The following CNTNAP2 variants were observed in gnomAD, a reference collection of about 807,000 sequenced individuals.
CNTNAP2 encodes contactin-associated protein-like 2.
In CNTNAP2, 98 loss-of-function variants were observed where a neutral mutation model predicts 155.2. The ratio of observed to expected loss-of-function variants is 0.63; its 90% CI spans 0.54 to 0.75. The LOEUF is 0.75. CNTNAP2 is among the 30% of genes least tolerant of loss of function. The pLI, the probability that CNTNAP2 is intolerant of heterozygous loss-of-function variation, is 0.00. For missense variants in CNTNAP2, 1,727 were observed against 1,688.1 expected (o/e 1.02, Z -0.40); for synonymous variants, 651 against 631.2 (o/e 1.03, Z -0.47).
intron 9 of CNTNAP2, among the ~76,000 whole-genome samples, chr7:147,362,892 A>T (rs1796168487): frequency 6.6e-6 from 1 of 152,220 alleles, no homozygotes; most frequent in Admixed American, 6.5e-5. Flanking sequence ...TTAATAAAAA[A>T]AATTAAAAAA....
chr7:146,436,391 A>T (rs1796244036), intron 1 of CNTNAP2, among the ~76,000 whole-genome samples: 1 of 152,222 alleles, frequency 6.6e-6, no homozygotes, highest in Admixed American at 6.5e-5. Context: ...ATGTGGATTC[A>T]TAATTTTTCA....
At chr7:146,333,027 T>G (rs1055392773) in intron 1 of CNTNAP2, among the ~76,000 whole-genome samples, 7 of 144,552 alleles carry the variant, frequency 4.8e-5, no homozygotes, top group African/African-American at 1.8e-4. Flanking sequence ...TACTGCAATC[T>G]CCGCCTCCCA....
At chr7:147,830,205 C>T (rs139671239) in intron 13 of CNTNAP2, among the ~76,000 whole-genome samples, 1 of 150,162 alleles carries the variant, frequency 6.7e-6, no homozygotes, top group South Asian at 2.1e-4. Flanking sequence ...TTATAAACAA[C>T]AGGAATTCAT....
intron 12 of CNTNAP2, among the ~76,000 whole-genome samples, chr7:147,614,107 C>T (rs2116881508): frequency 6.6e-6 from 1 of 152,286 alleles, no homozygotes; most frequent in South Asian, 2.1e-4. Context: ...TTTTAATTGG[C>T]TGTGCCTGTA....
chr7:148,093,333 A>T (rs1411221410), intron 15 of CNTNAP2, among the ~76,000 whole-genome samples: 1 of 152,228 alleles, frequency 6.6e-6, no homozygotes, highest in Non-Finnish European at 1.5e-5. Flanking sequence ...CAGTAAAGAA[A>T]TGTGTTTAAC....
At chr7:147,232,658 T>C in intron 8 of CNTNAP2, among the ~76,000 whole-genome samples, 1 of 152,358 alleles carries the variant, frequency 6.6e-6, no homozygotes, top group East Asian at 1.9e-4. Flanking sequence ...TAGACTCCTG[T>C]ATTATCCAAT....
intron 1 of CNTNAP2, among the ~76,000 whole-genome samples, chr7:146,476,295 A>G (rs1796876343): frequency 1.3e-5 from 2 of 152,160 alleles, no homozygotes; most frequent in South Asian, 4.1e-4. Flanking sequence ...ATCTTGTAAT[A>G]TTTTATGCTC....
Position 146,928,696 on chromosome 7 carries a change from G to C in CNTNAP2, c.402+88792G>C, listed in dbSNP as rs1796668080. On this transcript the variant is annotated intron_variant, in intron 3 of 23. Transcript: ENST00000361727. ...CCCTTTCCTAGTCAAAGAAAGGGGT[G>C]ACAGAAGGCATCTGGAAAATCGGGT... Among the ~76,000 whole-genome samples the C allele has an allele frequency of 3.3e-5, 5 of 152,230 alleles. No individual in the cohort carries two copies. The South Asian group carries it at 1.0e-3, about 32-fold the overall frequency.
chr7:147,320,010 A>G (rs1584870598), intron 9 of CNTNAP2, among the ~76,000 whole-genome samples: 6 of 152,240 alleles, frequency 3.9e-5, no homozygotes, highest in Non-Finnish European at 8.8e-5. Context: ...ATACAAAAAT[A>G]AATGGGTATG....
chr7:146,488,124 C>T (rs527603531), intron 1 of CNTNAP2, among the ~76,000 whole-genome samples: 21 of 152,044 alleles, frequency 1.4e-4, no homozygotes, highest in South Asian at 1.2e-3. Flanking sequence ...GAATTTTTTC[C>T]GTCAAATTGT....
chr7:146,569,163 C>T (rs1798403011), intron 1 of CNTNAP2, among the ~76,000 whole-genome samples: 1 of 152,036 alleles, frequency 6.6e-6, no homozygotes, highest in Non-Finnish European at 1.5e-5. Context: ...ACTACAGGCG[C>T]CCACCACCAC....
rs1562991656 is a variant in CNTNAP2, at chr7:146,211,830, TA to T, written c.97+94859del. 3.3e-5 allele frequency among the ~76,000 whole-genome samples: 5 copies of T among 152,208 alleles called. No individual in the cohort carries two copies. The East Asian group carries it at 9.6e-4, about 29-fold the overall frequency. ...TATTCTAAAATTACAGTAATGCTATTAAGGAAAGAATTTTCTGTAGAGTATA... is the reference window on the plus strand; with the variant it reads ...TATTCTAAAATTACAGTAATGCTATTAGGAAAGAATTTTCTGTAGAGTATA... On this transcript the variant is annotated intron_variant, in intron 1 of 23. Transcript: ENST00000361727.
chr7:148,170,179 T>G (rs976884118), intron 17 of CNTNAP2, among the ~76,000 whole-genome samples: 2 of 152,200 alleles, frequency 1.3e-5, no homozygotes, highest in African/African-American at 4.8e-5. Flanking sequence ...ACAATGACTA[T>G]TACATTGATC....
chr7:146,907,417 T>G (rs893881540), intron 3 of CNTNAP2, among the ~76,000 whole-genome samples: 3 of 147,082 alleles, frequency 2.0e-5, no homozygotes, highest in Non-Finnish European at 4.5e-5. Context: ...CAGGTTACCC[T>G]CAAAGGGAAG....
intron 8 of CNTNAP2, among the ~76,000 whole-genome samples, chr7:147,232,045 C>T (rs757613323): frequency 2.2e-4 from 33 of 151,846 alleles, no homozygotes; most frequent in Non-Finnish European, 4.1e-4. Context: ...CCAACTGAAA[C>T]AGAAAATAAG....
chr7:148,310,125 G>A (rs1456892418), intron 21 of CNTNAP2, among the ~76,000 whole-genome samples: 3 of 152,092 alleles, frequency 2.0e-5, no homozygotes, highest in Admixed American at 2.0e-4. Context: ...AAGAGAAGGA[G>A]AAAAACAGGT....
chr7:146,595,456 G>A (rs1584998719), intron 1 of CNTNAP2, among the ~76,000 whole-genome samples: 1 of 152,134 alleles, frequency 6.6e-6, no homozygotes, highest in Non-Finnish European at 1.5e-5. Context: ...TATATTTTCA[G>A]AAAGATTTGA....
intron 1 of CNTNAP2, among the ~76,000 whole-genome samples, chr7:146,191,020 A>G (rs1400595578): frequency 1.3e-5 from 2 of 152,224 alleles, no homozygotes; most frequent in Non-Finnish European, 2.9e-5. Flanking sequence ...GGCTAAGTTC[A>G]TAATGTAGGT....
intron 1 of CNTNAP2, among the ~76,000 whole-genome samples, chr7:146,437,090 A>T (rs916407429): frequency 6.6e-6 from 1 of 151,372 alleles, no homozygotes; most frequent in Admixed American, 6.6e-5. Flanking sequence ...ACCTCCCTTT[A>T]GATAGCGTTG....
Sources: allele counts gnomAD v4.1 joint callset (sites outside exome capture counted in the v4.1 genomes callset), GRCh38; gene constraint gnomAD v4.1.1; transcripts MANE v1.5; gene names NCBI Gene and HGNC (gene_info 2026-07-23, HGNC 2026-07-21).